Variants in CABYR observed in about 807,000 individuals in gnomAD.
CABYR encodes calcium-binding tyrosine phosphorylation-regulated protein.
CABYR carries 31 observed loss-of-function variants against 36.1 expected under a neutral mutation model. The ratio of observed to expected loss-of-function variants is 0.86; its 90% CI spans 0.64 to 1.16. The LOEUF is 1.16. Ranked by LOEUF, CABYR falls within the 50% of genes most tolerant of loss-of-function variation. The pLI is 0.00. For synonymous variants in CABYR, 146 were observed against 160.7 expected (o/e 0.91, Z 0.69); for missense variants, 429 against 455.8 (o/e 0.94, Z 0.53).
chr18:24,143,477 C>T (rs1486382562), intron 3 of CABYR, 64 bp downstream of exon 3: 2 of 874,606 alleles, frequency 2.3e-6, no homozygotes, highest in Non-Finnish European at 3.4e-6. Flanking sequence ...TCATGACTAG[C>T]ATATATTCAA....
intron 4 of CABYR, among the ~76,000 whole-genome samples, chr18:24,157,706 A>AT (rs554260534): frequency 4.6e-5 from 7 of 152,198 alleles, no homozygotes; most frequent in Non-Finnish European, 1.0e-4. Flanking sequence ...CAAGTGCCAA[A>AT]ATCAAGCTGC....
chr18:24,156,890 A>G lies in CABYR; in HGVS notation c.541+848A>G, dbSNP rs777695895. Reference sequence around the variant, plus strand: ...CTGCAGAAGCAGTGCACTCAGGTACATCTGTAAAGTCATCTAGTGGCCCCT... The same window carrying G: ...CTGCAGAAGCAGTGCACTCAGGTACGTCTGTAAAGTCATCTAGTGGCCCCT... On this transcript the variant is annotated intron_variant, in intron 4 of 5. Transcript: ENST00000399496. 4.3e-6 allele frequency: 7 copies of G among 1,614,126 alleles called. No homozygotes were observed. The Admixed American group carries it at 1.0e-4, about 23-fold the overall frequency.
At chr18:24,156,102 A>C (rs758582371) in intron 4 of CABYR, 60 bp downstream of exon 4, 1 of 1,614,190 alleles carries the variant, frequency 6.2e-7, no homozygotes, top group Admixed American at 1.7e-5. Context: ...TGTGGCAACC[A>C]GTATGCCTGT....
intron 3 of CABYR, among the ~76,000 whole-genome samples, chr18:24,147,252 C>CAAAAAAA (rs5823414): frequency 1.0e-5 from 1 of 96,452 alleles, no homozygotes; most frequent in Admixed American, 1.3e-4. Flanking sequence ...AACCATGTCT[C>CAAAAAAA]AAAAAAAAAA....
In CABYR at chr18:24,155,690, T is replaced by G. The variant is rs776520632; in HGVS notation, c.200-11T>G. ...AGATGTTAATTAACCCATCTGGTTG[T>G]TGTTTTTCAGTAGAGAAATGGTCAG... On this transcript the variant is annotated splice_polypyrimidine_tract_variant and intron_variant, in intron 3 of 5. Transcript: ENST00000399496. The G allele has an allele frequency of 6.4e-7, 1 of 1,551,454 alleles. No individual in the cohort carries two copies. The highest frequency in any genetic ancestry group is 2.1e-5 in the Admixed American group (1 of 48,584).
intron 5 of CABYR, 30 bp downstream of exon 5, chr18:24,160,099 G>A (rs2085911941): frequency 1.4e-6 from 2 of 1,457,430 alleles, no homozygotes; most frequent in Non-Finnish European, 1.9e-6. Flanking sequence ...ATAATATTTA[G>A]GCCTTAACAC....
At chr18:24,158,254 A>G (rs997991961) in intron 4 of CABYR, among the ~76,000 whole-genome samples, 1 of 152,192 alleles carries the variant, frequency 6.6e-6, no homozygotes. Context: ...TTAAAAAAAA[A>G]GATTACTTGA....
chr18:24,153,791 C>T (rs1233710160), intron 3 of CABYR, among the ~76,000 whole-genome samples: 4 of 152,078 alleles, frequency 2.6e-5, no homozygotes, highest in Non-Finnish European at 5.9e-5. Flanking sequence ...AAGAGTAACT[C>T]TCCCAAGGTC....
At chr18:24,143,602 C>T (rs1028587445) in intron 3 of CABYR, among the ~76,000 whole-genome samples, 189 bp downstream of exon 3, 4 of 152,052 alleles carry the variant, frequency 2.6e-5, no homozygotes, top group South Asian at 2.1e-4. Context: ...AGTGCAGCGG[C>T]GCCGTCATAG....
intron 5 of CABYR, chr18:24,160,277 CA>C (rs1267563089): frequency 3.7e-6 from 2 of 542,388 alleles, no homozygotes; most frequent in African/African-American, 3.8e-5. Context: ...CACAATGACT[CA>C]TGCCAAGGAT....
intron 4 of CABYR, chr18:24,156,285 G>C: frequency 1.2e-6 from 2 of 1,614,190 alleles, no homozygotes; most frequent in Non-Finnish European, 1.7e-6. Context: ...GGCTTCCTCA[G>C]TCCCCTTGCA....
At chr18:24,143,859 A>C (rs1396144322) in intron 3 of CABYR, among the ~76,000 whole-genome samples, 1 of 151,338 alleles carries the variant, frequency 6.6e-6, no homozygotes, top group Admixed American at 6.6e-5. Context: ...TCAAATTATG[A>C]GATTACTGAG....
chr18:24,155,619 T>A (rs544179292), intron 3 of CABYR, 82 bp from the exon 4 acceptor site: 1 of 1,050,978 alleles, frequency 9.5e-7, no homozygotes, highest in Non-Finnish European at 1.4e-6. Context: ...ACTACATCCC[T>A]ATTATTGCCT....
At chr18:24,140,647 C>A (rs900951373) in intron 1 of CABYR, among the ~76,000 whole-genome samples, 1 of 152,128 alleles carries the variant, frequency 6.6e-6, no homozygotes, top group African/African-American at 2.4e-5. Flanking sequence ...AGGTTTTATT[C>A]ATTTTTTATA....
chr18:24,151,573 T>C (rs1298801586), intron 3 of CABYR, among the ~76,000 whole-genome samples: 1 of 152,182 alleles, frequency 6.6e-6, no homozygotes. Context: ...AAACAGATAA[T>C]GACATGAACT....
intron 3 of CABYR, among the ~76,000 whole-genome samples, chr18:24,144,726 C>T (rs2085418206): frequency 6.6e-6 from 1 of 152,204 alleles, no homozygotes; most frequent in African/African-American, 2.4e-5. Flanking sequence ...TCAGCTTACC[C>T]CTCTTTAGAA....
intron 5 of CABYR, among the ~76,000 whole-genome samples, chr18:24,160,490 C>CTT (rs1453330266): frequency 6.6e-6 from 1 of 152,164 alleles, no homozygotes; most frequent in African/African-American, 2.4e-5. Flanking sequence ...TAACAGAACA[C>CTT]TTAATCCACG....
chr18:24,140,565 A>G (rs1300211948), intron 1 of CABYR, among the ~76,000 whole-genome samples: 3 of 152,096 alleles, frequency 2.0e-5, no homozygotes, highest in African/African-American at 4.8e-5. Flanking sequence ...CAAACAATCC[A>G]GTTATACTCT....
At chr18:24,140,941 ATCTG>A (rs2085307266) in intron 1 of CABYR, among the ~76,000 whole-genome samples, 1 of 152,130 alleles carries the variant, frequency 6.6e-6, no homozygotes, top group Admixed American at 6.5e-5. Context: ...TTATCCATTC[ATCTG>A]TTGATAGACG....
Sources: gnomAD v4.1 joint callset for allele counts (sites outside exome capture counted in the v4.1 genomes callset) on GRCh38, gnomAD v4.1.1 for gene constraint, MANE v1.5 for transcripts, NCBI Gene and HGNC (gene_info 2026-07-23, HGNC 2026-07-21) for gene names.